The following DNAH14 variants were observed in gnomAD, a reference collection of about 807,000 sequenced individuals.
DNAH14 encodes axonemal beta dynein heavy chain 14.
Under a neutral mutation model 520.9 loss-of-function variants are expected in DNAH14, and 478 were observed. The ratio of observed to expected loss-of-function variants is 0.92; its 90% CI spans 0.85 to 0.99. The LOEUF (loss-of-function observed/expected upper bound fraction) is 0.99, where lower values mean the gene tolerates loss of function less well. Ranked by LOEUF, DNAH14 falls within the 50% of genes least tolerant of loss-of-function variation. The pLI, the probability that DNAH14 is intolerant of heterozygous loss-of-function variation, is 0.00. For missense variants in DNAH14, 4,831 were observed against 5,234.5 expected, an observed-to-expected ratio of 0.92 and a Z score of 2.38; for synonymous variants, 1,581 against 1,757.2, an observed-to-expected ratio of 0.90 and a Z score of 2.51.
chr1:225,122,091 A>G (rs1276788911), intron 26 of DNAH14, among the ~76,000 whole-genome samples: 1 of 152,142 alleles, frequency 6.6e-6, no homozygotes, highest in South Asian at 2.1e-4. Context: ...GTAGAAAAAA[A>G]GTTCTGCCTT....
At chr1:225,091,612 T>C (rs925107439) in intron 21 of DNAH14, among the ~76,000 whole-genome samples, 19 of 152,134 alleles carry the variant, frequency 1.2e-4, no homozygotes, top group African/African-American at 4.6e-4. Context: ...AGACTACTAC[T>C]GATCATTAAA....
intron 11 of DNAH14, among the ~76,000 whole-genome samples, chr1:225,036,702 T>C (rs1414592394): frequency 1.3e-5 from 2 of 152,194 alleles, no homozygotes; most frequent in Non-Finnish European, 2.9e-5. Context: ...CAAGAGACTT[T>C]CCCTTCACTT....
At chr1:225,347,431 C>A (rs950882778) in intron 71 of DNAH14, among the ~76,000 whole-genome samples, 2 of 152,084 alleles carry the variant, frequency 1.3e-5, no homozygotes, top group Admixed American at 6.5e-5. Context: ...TAATGTGGAA[C>A]AACTGACAGG....
chr1:225,204,550 C>T (rs12754230), intron 39 of DNAH14, among the ~76,000 whole-genome samples: 23,444 of 152,004 alleles, frequency 0.15, 2,117 homozygotes, highest in East Asian at 0.36. Context: ...TAGAAATAAA[C>T]AATGATGTGA....
chr1:224,931,588 C>T (rs928182610), intron 1 of DNAH14, among the ~76,000 whole-genome samples: 4 of 152,212 alleles, frequency 2.6e-5, no homozygotes, highest in African/African-American at 9.6e-5. Flanking sequence ...TCCTGCCATT[C>T]ATCCTTCTCA....
intron 38 of DNAH14, among the ~76,000 whole-genome samples, chr1:225,199,168 C>T (rs6426057): frequency 0.32 from 47,905 of 151,878 alleles, 8,729 homozygotes; most frequent in East Asian, 0.61. Context: ...CTTTTGTGTT[C>T]CTGTGGTGTC....
intron 8 of DNAH14, among the ~76,000 whole-genome samples, chr1:224,988,244 T>G (rs1315292513): frequency 1.3e-5 from 2 of 152,240 alleles, no homozygotes. Flanking sequence ...TTCCTTTTAA[T>G]GGCTGCATAG....
intron 11 of DNAH14, among the ~76,000 whole-genome samples, chr1:225,035,524 A>G (rs2066891575): frequency 6.6e-6 from 1 of 151,158 alleles, no homozygotes. Context: ...TTTTTGAGGT[A>G]GAAACTTACA....
At chr1:224,959,023 A>G (rs543822889) in intron 3 of DNAH14, among the ~76,000 whole-genome samples, 1 of 152,214 alleles carries the variant, frequency 6.6e-6, no homozygotes, top group East Asian at 1.9e-4. Context: ...CTCACTTTCC[A>G]ATCTTGAGGT....
chr1:225,244,337 G>A lies in DNAH14; in HGVS notation c.6748+3515G>A, dbSNP rs139587304. ...TCTTTTTTTGTTGTGTCTCTGCCAG[G>A]TTTTGGCATCAGGATGATGCTGGCC... On this transcript the variant is annotated intron_variant, in intron 43 of 85. Coordinates refer to ENST00000682510, the MANE Select transcript of DNAH14 (RefSeq NM_001367479.1). Among the ~76,000 whole-genome samples the A allele has an allele frequency of 5.0e-3, 759 of 152,192 alleles. 6 individuals carry two copies. Among genetic ancestry groups the A allele is most frequent in the African/African-American group, 0.017 (716 of 41,518 alleles).
intron 17 of DNAH14, among the ~76,000 whole-genome samples, chr1:225,074,917 C>A (rs1026026249): frequency 2.0e-5 from 3 of 152,164 alleles, no homozygotes; most frequent in African/African-American, 7.2e-5. Context: ...AAAGTAGCAC[C>A]CCCAGACTAT....
chr1:225,121,929 A>T (rs188948578), intron 26 of DNAH14, among the ~76,000 whole-genome samples: 186 of 152,098 alleles, frequency 1.2e-3, no homozygotes, highest in Non-Finnish European at 2.1e-3. Context: ...AAGTACATTC[A>T]TCAAATGTAA....
chr1:225,246,599 A>G (rs2092296239), intron 43 of DNAH14, among the ~76,000 whole-genome samples: 1 of 152,214 alleles, frequency 6.6e-6, no homozygotes, highest in African/African-American at 2.4e-5. Flanking sequence ...AAAAGAAGAC[A>G]TTTATGTGGC....
chr1:225,036,868 C>T (rs542191574), intron 11 of DNAH14, among the ~76,000 whole-genome samples: 59 of 152,296 alleles, frequency 3.9e-4, no homozygotes, highest in African/African-American at 1.4e-3. Flanking sequence ...TGCTCCTGCT[C>T]TGTCAATAAT....
chr1:225,284,275 G>A (rs2093689380), intron 54 of DNAH14, among the ~76,000 whole-genome samples: 1 of 151,532 alleles, frequency 6.6e-6, no homozygotes, highest in Non-Finnish European at 1.5e-5. Context: ...AAAAAATGAA[G>A]AAAAGACTCA....
In DNAH14 at chr1:225,240,649, A is replaced by G. The variant is rs1350436031; in HGVS notation, c.6575A>G (p.Gln2192Arg). Reference protein sequence around the residue: ...KNPDKLTKIIQKLFVFAFTWA... With the variant: ...KNPDKLTKIIRKLFVFAFTWA... ...CCTGATAAATTAACAAAAATTATTC[A>G]AAAGCTTTTTGTGTTTGCCTTTACT... Residue 2192 changes from glutamine (Q) to arginine (R), a missense_variant, in exon 43 of 86, where the codon CAA becomes CGA. Physicochemically the swap from Gln to Arg is conservative, Grantham distance 43. Coordinates refer to ENST00000682510, the MANE Select transcript of DNAH14 (RefSeq NM_001367479.1). 1 of 1,550,674 alleles carries G rather than the reference A, an allele frequency of 6.4e-7. No individual in the cohort carries two copies. Among genetic ancestry groups the G allele is most frequent in the Non-Finnish European group, 8.7e-7 (1 of 1,146,422 alleles).
chr1:225,031,865 T>C (rs1488058166), intron 11 of DNAH14, among the ~76,000 whole-genome samples: 1 of 152,094 alleles, frequency 6.6e-6, no homozygotes, highest in Non-Finnish European at 1.5e-5. Context: ...TGTTGTTTCC[T>C]TTTGCTTGTT....
intron 10 of DNAH14, 130 bp downstream of exon 10, chr1:225,007,674 T>A: frequency 1.7e-6 from 1 of 584,136 alleles, no homozygotes; most frequent in Non-Finnish European, 2.6e-6. Context: ...ATTAACCAAC[T>A]AACTGGTACT....
At chr1:225,139,491 G>A (rs376688236) in intron 27 of DNAH14, among the ~76,000 whole-genome samples, 2 of 152,032 alleles carry the variant, frequency 1.3e-5, no homozygotes, top group South Asian at 4.1e-4. Flanking sequence ...GCACTTCTAC[G>A]TATGTCACAT....
Sources: allele counts gnomAD v4.1 joint callset (sites outside exome capture counted in the v4.1 genomes callset), GRCh38; gene constraint gnomAD v4.1.1; transcripts MANE v1.5; gene names NCBI Gene and HGNC (gene_info 2026-07-23, HGNC 2026-07-21).